The following AKAP7 variants were observed in gnomAD, a reference collection of about 807,000 sequenced individuals.
AKAP7 encodes the protein A kinase (PRKA) anchor protein 7.
AKAP7 carries 39 observed loss-of-function variants against 39.5 expected under a neutral mutation model. The observed-to-expected ratio is 0.99, with a 90% CI of 0.76 to 1.29. The LOEUF is 1.29. Among genes scored for constraint, AKAP7 ranks in the 50% most tolerant of loss-of-function variants. The pLI is 0.00. For missense variants in AKAP7, 414 were observed against 407.7 expected (o/e 1.02, Z -0.13); for synonymous variants, 140 against 139.1 (o/e 1.01, Z -0.05).
chr6:131,221,556 A>G lies in AKAP7; in HGVS notation c.850+1748A>G, dbSNP rs556835375. Among the ~76,000 whole-genome samples the G allele has an allele frequency of 1.5e-3, 223 of 152,366 alleles. 2 individuals are homozygous for G. Among genetic ancestry groups the G allele is most frequent in the African/African-American group, 5.2e-3 (215 of 41,586 alleles). ...GAAGAAGATGGCATCTAGGAGTTTC[A>G]TAGCTACAGAAGAGAAGTCAATGTC... On this transcript the variant is annotated intron_variant, in intron 7 of 7. Coordinates refer to ENST00000431975, the MANE Select transcript of AKAP7 (RefSeq NM_016377.4).
chr6:131,271,486 A>T (rs1814273763), intron 7 of AKAP7, among the ~76,000 whole-genome samples: 1 of 151,904 alleles, frequency 6.6e-6, no homozygotes, highest in African/African-American at 2.4e-5. Context: ...AGGAAGTATA[A>T]GTCTTCTAAT....
chr6:131,248,166 A>G (rs1490804757), intron 7 of AKAP7, among the ~76,000 whole-genome samples: 1 of 152,196 alleles, frequency 6.6e-6, no homozygotes, highest in East Asian at 1.9e-4. Context: ...ACTGAGGTGC[A>G]TATAAATACA....
intron 1 of AKAP7, chr6:131,137,770 C>G (rs1175432770): frequency 6.6e-6 from 1 of 152,134 alleles, no homozygotes; most frequent in Admixed American, 6.5e-5. Flanking sequence ...TTATAATATA[C>G]TTAAAATGTA....
At chr6:131,164,269 GT>G in intron 3 of AKAP7, 1 of 427,348 alleles carries the variant, frequency 2.3e-6, no homozygotes, top group Non-Finnish European at 4.7e-6. Context: ...TTTCTCTGTT[GT>G]TTTTTTTCTG....
intron 5 of AKAP7, among the ~76,000 whole-genome samples, chr6:131,175,283 G>A (rs977249589): frequency 6.6e-6 from 1 of 152,072 alleles, no homozygotes; most frequent in Admixed American, 6.5e-5. Context: ...GGCAGGAGGG[G>A]CAGGCACACG....
intron 7 of AKAP7, chr6:131,241,918 T>G (rs1422519049): frequency 4.8e-6 from 2 of 415,548 alleles, no homozygotes; most frequent in East Asian, 1.6e-4. Context: ...TGATTCAAGA[T>G]TGCATCTTCT....
chr6:131,154,008 G>C (rs537216747), intron 2 of AKAP7, among the ~76,000 whole-genome samples: 4 of 152,030 alleles, frequency 2.6e-5, no homozygotes, highest in Non-Finnish European at 4.4e-5. Context: ...TAAGGAGTTC[G>C]AGACCATCCT....
In AKAP7 at chr6:131,215,910, T is replaced by C. The variant is rs1585108142; in HGVS notation, c.703-3751T>C. On this transcript the variant is annotated intron_variant, in intron 6 of 7. Coordinates refer to ENST00000431975, the MANE Select transcript of AKAP7 (RefSeq NM_016377.4). ...GTTGTCAAGTCATTATCACAGGAAA[T>C]GTGTATTTCTTTTATAGCTACTTAT... Among the ~76,000 whole-genome samples the C allele has an allele frequency of 3.9e-5, 6 of 152,306 alleles. 2 individuals are homozygous for C. Among genetic ancestry groups the C allele is most frequent in the Admixed American group, 3.9e-4 (6 of 15,292 alleles).
chr6:131,266,674 T>C (rs532655686), intron 7 of AKAP7, among the ~76,000 whole-genome samples: 1 of 151,318 alleles, frequency 6.6e-6, no homozygotes, highest in Admixed American at 6.6e-5. Flanking sequence ...ATCACCAAGC[T>C]GCAGGGGTTT....
At chr6:131,158,847 A>G (rs1802662132) in intron 2 of AKAP7, among the ~76,000 whole-genome samples, 1 of 151,896 alleles carries the variant, frequency 6.6e-6, no homozygotes, top group South Asian at 2.1e-4. Flanking sequence ...ATTCAAGAAG[A>G]CATGGCTTGG....
intron 7 of AKAP7, among the ~76,000 whole-genome samples, chr6:131,235,357 G>A (rs929387684): frequency 4.6e-5 from 7 of 152,142 alleles, no homozygotes; most frequent in South Asian, 2.1e-4. Flanking sequence ...GAATAGTGCC[G>A]CAATAAACAT....
chr6:131,227,811 A>T (rs755369187), intron 7 of AKAP7, among the ~76,000 whole-genome samples: 42 of 152,298 alleles, frequency 2.8e-4, no homozygotes, highest in Admixed American at 1.6e-3. Context: ...GAGTGAGTAG[A>T]GTCAATGAAT....
At chr6:131,126,564 T>G in the AKAP7 span, among the ~76,000 whole-genome samples, 1 of 152,212 alleles carries the variant, frequency 6.6e-6, no homozygotes, top group African/African-American at 2.4e-5. Flanking sequence ...AATAACTAAC[T>G]CAATAAACAT....
chr6:131,192,813 A>G (rs1806550806), intron 5 of AKAP7, among the ~76,000 whole-genome samples: 1 of 151,984 alleles, frequency 6.6e-6, no homozygotes, highest in African/African-American at 2.4e-5. Flanking sequence ...CTTTGGTTAA[A>G]TCCTAGGTGT....
At position 131,194,711 on chromosome 6, in the gene AKAP7, G is replaced by A. The variant is rs1419847296; in HGVS notation, c.590-4750G>A. ...AAAAATATTTCCTTTGTATATCTGGGTACTCCAATGTTGGGTGTAAATATG... is the reference window on the plus strand; with the variant it reads ...AAAAATATTTCCTTTGTATATCTGGATACTCCAATGTTGGGTGTAAATATG... On this transcript the variant is annotated intron_variant, in intron 5 of 7. Coordinates refer to ENST00000431975, the MANE Select transcript of AKAP7 (RefSeq NM_016377.4). Among the ~76,000 whole-genome samples, 6 of 152,032 alleles carry A rather than the reference G, an allele frequency of 3.9e-5. No individual in the cohort carries two copies. In the South Asian group the frequency reaches 8.3e-4, roughly 21 times the overall value.
At chr6:131,241,001 T>G (rs578217757) in intron 7 of AKAP7, among the ~76,000 whole-genome samples, 5 of 152,344 alleles carry the variant, frequency 3.3e-5, no homozygotes, top group African/African-American at 1.2e-4. Flanking sequence ...ATCACCCGTC[T>G]TCTGCGTCGC....
chr6:131,153,176 A>G (rs1802096714), intron 2 of AKAP7, among the ~76,000 whole-genome samples: 1 of 152,034 alleles, frequency 6.6e-6, no homozygotes, highest in Non-Finnish European at 1.5e-5. Flanking sequence ...ATGTGTATCA[A>G]GTGTATGATA....
chr6:131,156,750 T>G (rs1802451983), intron 2 of AKAP7, among the ~76,000 whole-genome samples: 1 of 151,622 alleles, frequency 6.6e-6, no homozygotes, highest in African/African-American at 2.4e-5. Context: ...GGAGAGTTTA[T>G]AAATCATCTG....
At chr6:131,136,192 AACC>A (rs1315247400) in intron 1 of AKAP7, among the ~76,000 whole-genome samples, 1 of 152,220 alleles carries the variant, frequency 6.6e-6, no homozygotes, top group African/African-American at 2.4e-5. Flanking sequence ...TAAGCACCCG[AACC>A]ACCATACTGT....
Sources: allele counts gnomAD v4.1 joint callset (sites outside exome capture counted in the v4.1 genomes callset), GRCh38; gene constraint gnomAD v4.1.1; transcripts MANE v1.5; gene names NCBI Gene and HGNC (gene_info 2026-07-23, HGNC 2026-07-21).